The following PRKCB variants were observed in gnomAD, a reference collection of about 807,000 sequenced individuals.
The protein encoded by PRKCB is protein kinase C beta type.
Under a neutral mutation model 81.5 loss-of-function variants are expected in PRKCB, and 13 were observed. The observed-to-expected ratio is 0.16, with a 90% CI of 0.10 to 0.25. The LOEUF (loss-of-function observed/expected upper bound fraction) is 0.25, where lower values mean the gene tolerates loss of function less well. Among genes scored for constraint, PRKCB ranks in the 10% least tolerant of loss-of-function variants. The probability of loss-of-function intolerance (pLI) is 1.00; values close to 1 mark genes in which losing one functional copy is unlikely to be tolerated. For synonymous variants in PRKCB, 335 were observed against 321.4 expected, an observed-to-expected ratio of 1.04 and a Z score of -0.45; for missense variants, 509 against 875.7, an observed-to-expected ratio of 0.58 and a Z score of 5.29.
At chr16:23,863,114 GATC>G (rs1487202247) in intron 2 of PRKCB, among the ~76,000 whole-genome samples, 2 of 144,782 alleles carry the variant, frequency 1.4e-5, no homozygotes, top group Non-Finnish European at 1.5e-5. Flanking sequence ...TAACATATAT[GATC>G]ATATAATCAT....
chr16:24,190,840 A>C (rs1292552857), intron 15 of PRKCB, among the ~76,000 whole-genome samples: 1 of 152,070 alleles, frequency 6.6e-6, no homozygotes, highest in African/African-American at 2.4e-5. Flanking sequence ...TCTAACTTGA[A>C]GTTCACGGCC....
At chr16:24,093,375 TGAGGG>T (rs1406269487) in intron 6 of PRKCB, among the ~76,000 whole-genome samples, 2 of 152,160 alleles carry the variant, frequency 1.3e-5, no homozygotes, top group Non-Finnish European at 2.9e-5. Flanking sequence ...CAGCCTCCCT[TGAGGG>T]TCTTCCCTGG....
At chr16:24,184,070 T>A (rs1222717280) in intron 13 of PRKCB, among the ~76,000 whole-genome samples, 1 of 152,190 alleles carries the variant, frequency 6.6e-6, no homozygotes, top group Non-Finnish European at 1.5e-5. Context: ...CAACTGGAAA[T>A]TTATAAGATA....
At chr16:24,165,792 T>A (rs1967333159) in intron 10 of PRKCB, among the ~76,000 whole-genome samples, 1 of 152,052 alleles carries the variant, frequency 6.6e-6, no homozygotes, top group Non-Finnish European at 1.5e-5. Flanking sequence ...AAGTTTTTTT[T>A]AAGTGAGTTA....
At chr16:23,978,283 T>C (rs535925897) in intron 2 of PRKCB, among the ~76,000 whole-genome samples, 1 of 152,248 alleles carries the variant, frequency 6.6e-6, no homozygotes, top group African/African-American at 2.4e-5. Context: ...TTCAGCGCAG[T>C]CCCCCCATAT....
chr16:24,211,837 G>A (rs1968143331), intron 16 of PRKCB, among the ~76,000 whole-genome samples: 1 of 152,258 alleles, frequency 6.6e-6, no homozygotes, highest in South Asian at 2.1e-4. Flanking sequence ...AGGGATTACA[G>A]GCATGAGCCA....
Position 24,115,999 on chromosome 16 carries a change from C to A in PRKCB, c.918+2930C>A, listed in dbSNP as rs1184823913. Among the ~76,000 whole-genome samples, 4 of 151,854 alleles carry A rather than the reference C, an allele frequency of 2.6e-5. No homozygotes were observed. The East Asian group carries it at 7.8e-4, about 29-fold the overall frequency. On this transcript the variant is annotated intron_variant, in intron 8 of 16. Coordinates refer to ENST00000643927, the MANE Select transcript of PRKCB (RefSeq NM_002738.7). ...CTCGGCCTCCCAAGTGCTGGGATTA[C>A]AGGCGTGATATCCCAAGGATTTTAG...
intron 13 of PRKCB, among the ~76,000 whole-genome samples, chr16:24,182,101 T>A (rs1967635862): frequency 6.6e-6 from 1 of 152,210 alleles, no homozygotes; most frequent in South Asian, 2.1e-4. Flanking sequence ...TTTGGTCTAT[T>A]ATCATTTTGT....
At chr16:23,907,749 G>C (rs1052785074) in intron 2 of PRKCB, among the ~76,000 whole-genome samples, 2 of 152,080 alleles carry the variant, frequency 1.3e-5, no homozygotes, top group Non-Finnish European at 2.9e-5. Context: ...GAACCATACC[G>C]GTCGACTCCG....
chr16:24,193,576 A>G (rs605921), intron 16 of PRKCB, among the ~76,000 whole-genome samples: 73,798 of 151,844 alleles, frequency 0.49, 18,006 homozygotes, highest in Admixed American at 0.52. Flanking sequence ...CAGCCTCCCA[A>G]AGTACTAGGA....
At chr16:24,204,562 C>T (rs543454989) in intron 16 of PRKCB, among the ~76,000 whole-genome samples, 1 of 152,018 alleles carries the variant, frequency 6.6e-6, no homozygotes, top group Admixed American at 6.6e-5. Context: ...TTACTTGAAG[C>T]CAACAATGTG....
intron 3 of PRKCB, among the ~76,000 whole-genome samples, chr16:24,017,765 T>A (rs1203433128): frequency 6.6e-6 from 1 of 152,204 alleles, no homozygotes; most frequent in Non-Finnish European, 1.5e-5. Context: ...GATCTTGCTC[T>A]GTCACCCAGG....
chr16:23,897,290 C>G (rs989806934), intron 2 of PRKCB, among the ~76,000 whole-genome samples: 28 of 152,194 alleles, frequency 1.8e-4, no homozygotes, highest in African/African-American at 6.5e-4. Context: ...TGGCTTTATT[C>G]TTTCCCCTGA....
intron 16 of PRKCB, 40 bp downstream of exon 16, chr16:24,191,270 A>G (rs1461565474): frequency 1.9e-6 from 3 of 1,611,536 alleles, no homozygotes; most frequent in Middle Eastern, 1.7e-4. Context: ...GTATTCACAC[A>G]CAAGGTATTC....
rs1966879709 is a variant in PRKCB, at chr16:24,139,383, C to G, written c.1066-15301C>G. 4.6e-5 allele frequency among the ~76,000 whole-genome samples: 7 copies of G among 152,318 alleles called. No homozygotes were observed. The South Asian group carries it at 1.4e-3, about 32-fold the overall frequency. On this transcript the variant is annotated intron_variant, in intron 9 of 16. Transcript: ENST00000643927. ...CTTGTTACAACCCAATTAGACATTT[C>G]TTATTAGACCCAACCACACATCCTC...
chr16:24,208,006 G>A (rs1490553214), intron 16 of PRKCB: 1 of 152,328 alleles, frequency 6.6e-6, no homozygotes, highest in Non-Finnish European at 1.5e-5. Context: ...TCCAGGAACA[G>A]GTCCTAAATG....
chr16:24,035,330 G>T, intron 4 of PRKCB, 89 bp from the exon 5 acceptor site: 4 of 1,502,504 alleles, frequency 2.7e-6, no homozygotes, highest in Non-Finnish European at 3.6e-6. Context: ...AGGGAAACAG[G>T]AAGGGCTCAG....
At chr16:24,022,772 C>T (rs1034585739) in intron 3 of PRKCB, among the ~76,000 whole-genome samples, 1 of 152,188 alleles carries the variant, frequency 6.6e-6, no homozygotes, top group Admixed American at 6.5e-5. Context: ...GGATTACAGG[C>T]GTGAGCCACT....
intron 8 of PRKCB, among the ~76,000 whole-genome samples, chr16:24,121,270 G>C (rs1966795954): frequency 6.6e-6 from 1 of 152,200 alleles, no homozygotes; most frequent in Non-Finnish European, 1.5e-5. Flanking sequence ...ATCCCAGCTA[G>C]AATGCACGTT....
Sources: allele counts gnomAD v4.1 joint callset (sites outside exome capture counted in the v4.1 genomes callset), GRCh38; gene constraint gnomAD v4.1.1; transcripts MANE v1.5; gene names NCBI Gene and HGNC (gene_info 2026-07-23, HGNC 2026-07-21).